The following ZNF83 variants were observed in gnomAD, a reference collection of about 807,000 sequenced individuals.
ZNF83 encodes zinc finger protein 816B.
For synonymous variants in ZNF83, 209 were observed against 213.0 expected, an observed-to-expected ratio of 0.98 and a Z score of 0.17; for missense variants, 552 against 629.9, an observed-to-expected ratio of 0.88 and a Z score of 1.32.
At chr19:52,671,532 C>T (rs991196422) in intron 1 of ZNF83, among the ~76,000 whole-genome samples, 24 of 152,056 alleles carry the variant, frequency 1.6e-4, no homozygotes, top group Admixed American at 1.6e-3. Flanking sequence ...CACCCTCAAC[C>T]TCTGGTGCTC....
chr19:52,634,609 A>AAAT (rs1213551595), intron 2 of ZNF83, among the ~76,000 whole-genome samples: 1 of 152,172 alleles, frequency 6.6e-6, no homozygotes, highest in Non-Finnish European at 1.5e-5. Flanking sequence ...AATTACCTAA[A>AAAT]AATATAGTAT....
intron 3 of ZNF83, among the ~76,000 whole-genome samples, chr19:52,646,508 C>G (rs915653379): frequency 6.6e-6 from 1 of 152,150 alleles, no homozygotes; most frequent in African/African-American, 2.4e-5. Context: ...GAGATCACTC[C>G]ATGGCACTCC....
At chr19:52,626,799 A>G (rs62118487) in intron 2 of ZNF83, among the ~76,000 whole-genome samples, 32,828 of 151,886 alleles carry the variant, frequency 0.22, 3,694 homozygotes, top group Middle Eastern at 0.24. Flanking sequence ...GAGAAACATC[A>G]TCCATTATCT....
chr19:52,664,694 T>C (rs1399703374), intron 1 of ZNF83, among the ~76,000 whole-genome samples: 2 of 146,882 alleles, frequency 1.4e-5, no homozygotes, highest in Admixed American at 6.8e-5. Context: ...GGGATGCAGA[T>C]TAAGTGGGTG....
At chr19:52,618,893 A>C (rs35489438) in intron 2 of ZNF83, 94,821 of 1,295,734 alleles carry the variant, frequency 0.073, 9,800 homozygotes, top group African/African-American at 0.13. Context: ...ATGCAAAGAT[A>C]CACAAGGGAA....
At chr19:52,676,423 C>A (rs190632205) in intron 1 of ZNF83, among the ~76,000 whole-genome samples, 2 of 152,188 alleles carry the variant, frequency 1.3e-5, no homozygotes, top group African/African-American at 4.8e-5. Flanking sequence ...AAGTGAGGAG[C>A]GTCTCTGCCT....
upstream of ZNF83, among the ~76,000 whole-genome samples, chr19:52,640,792 C>G (rs1393751873): frequency 6.6e-6 from 1 of 152,184 alleles, no homozygotes; most frequent in Non-Finnish European, 1.5e-5. Flanking sequence ...CCATTTTCAA[C>G]TTAAGAGGAA....
At chr19:52,670,674 T>C (rs184282073) in intron 1 of ZNF83, among the ~76,000 whole-genome samples, 30 of 152,270 alleles carry the variant, frequency 2.0e-4, no homozygotes, top group African/African-American at 6.5e-4. Context: ...CAGGAGGTCC[T>C]GAGAACATAT....
rs2061477246 is a variant in ZNF83 at position 52,654,098 on chromosome 19, C to G, written c.-74+1463G>C. On this transcript the variant is annotated intron_variant, in intron 3 of 5. Coordinates refer to the ZNF83 transcript ENST00000594682. Reference sequence around the variant, plus strand: ...CCTTCAGTCTGAAATTCGTGCAGTTCAGGCAGATGTGAATAAAAGCTTGAT... The same window carrying G: ...CCTTCAGTCTGAAATTCGTGCAGTTGAGGCAGATGTGAATAAAAGCTTGAT... 15 of 1,604,388 alleles carry G rather than the reference C, an allele frequency of 9.3e-6. No homozygotes were observed. The East Asian group carries it at 3.1e-4, about 33-fold the overall frequency.
chr19:52,690,106 G>A (rs1679660569), intron 1 of ZNF83, among the ~76,000 whole-genome samples: 1 of 151,848 alleles, frequency 6.6e-6, no homozygotes, highest in South Asian at 2.1e-4. Context: ...GCTGGGAGGT[G>A]CCCACGGCGG....
intron 1 of ZNF83, among the ~76,000 whole-genome samples, chr19:52,682,674 CAAGAAAAAGAAAAAGAAA>C (rs146917472): frequency 0.39 from 57,940 of 149,840 alleles, 14,588 homozygotes; most frequent in African/African-American, 0.72. Flanking sequence ...TCTCAAAAAA[CAAGAAAAAGAAAAAGAAA>C]AAGAAAAAGA....
chr19:52,615,140 G>C lies in ZNF83; in HGVS notation c.-233-343C>G, dbSNP rs1428230429. Among the ~76,000 whole-genome samples, 5 of 151,910 alleles carry C rather than the reference G, an allele frequency of 3.3e-5. No individual in the cohort carries two copies. In the East Asian group the frequency reaches 7.7e-4, roughly 23 times the overall value. Reference sequence around the variant, plus strand: ...TGCAATAGAAGGAAAACATATGGCTGTCTAATAGTTGAAAGAATTTTGTAC... The same window carrying C: ...TGCAATAGAAGGAAAACATATGGCTCTCTAATAGTTGAAAGAATTTTGTAC... On this transcript the variant is annotated intron_variant, in intron 2 of 2. Coordinates refer to ENST00000301096, the Ensembl canonical transcript of ZNF83.
chr19:52,656,180 T>A (rs746445482), intron 2 of ZNF83, among the ~76,000 whole-genome samples: 2 of 151,546 alleles, frequency 1.3e-5, no homozygotes, highest in Non-Finnish European at 2.9e-5. Flanking sequence ...GCCACTGCAA[T>A]TCAGCTTGGG....
chr19:52,617,307 G>C (rs1323061600), intron 2 of ZNF83: 2 of 152,202 alleles, frequency 1.3e-5, no homozygotes, highest in Non-Finnish European at 2.9e-5. Context: ...AGCAGACATC[G>C]GTTTAGGCTG....
intron 1 of ZNF83, among the ~76,000 whole-genome samples, chr19:52,666,598 A>C (rs2061656300): frequency 6.8e-6 from 1 of 146,682 alleles, no homozygotes; most frequent in African/African-American, 2.6e-5. Context: ...ACACCTCATC[A>C]AGGAAGAACT....
chr19:52,629,566 C>T (rs566954816), intron 2 of ZNF83, among the ~76,000 whole-genome samples: 73 of 152,086 alleles, frequency 4.8e-4, no homozygotes, highest in Admixed American at 1.7e-3. Context: ...AGTTTTGTTC[C>T]GTGACTAGCC....
intron 1 of ZNF83, among the ~76,000 whole-genome samples, chr19:52,680,637 G>C (rs1238591951): frequency 8.2e-6 from 1 of 122,598 alleles, no homozygotes; most frequent in Non-Finnish European, 1.6e-5. Context: ...TTTTGAGACG[G>C]AGTCTCGCTC....
chr19:52,658,872 T>C (rs1011303744), intron 2 of ZNF83, among the ~76,000 whole-genome samples: 2 of 152,200 alleles, frequency 1.3e-5, no homozygotes, highest in African/African-American at 4.8e-5. Flanking sequence ...GCTTTAATCA[T>C]TCATGAAACT....
chr19:52,639,413 CTATTTTTTTTTT>C (rs1161009256), upstream of ZNF83, among the ~76,000 whole-genome samples: 1 of 53,882 alleles, frequency 1.9e-5, no homozygotes, highest in Non-Finnish European at 3.3e-5. Flanking sequence ...TTAGTTTTTT[CTATTTTTTTTTT>C]TTTTTTTTTT....
Sources: gnomAD v4.1 joint callset for allele counts (sites outside exome capture counted in the v4.1 genomes callset) on GRCh38, gnomAD v4.1.1 for gene constraint, MANE v1.5 for transcripts, NCBI Gene and HGNC (gene_info 2026-07-23, HGNC 2026-07-21) for gene names.